The following SNTG2 variants were observed in gnomAD, a reference collection of about 807,000 sequenced individuals.
The protein encoded by SNTG2 is syntrophin gamma 2.
In SNTG2, 74 loss-of-function variants were observed where a neutral mutation model predicts 70.9. The observed-to-expected ratio is 1.04, with a 90% CI of 0.86 to 1.27. The LOEUF (loss-of-function observed/expected upper bound fraction) is 1.27. SNTG2 is among the 50% of genes most tolerant of loss of function. The pLI is 0.00. For missense variants in SNTG2, 717 were observed against 690.7 expected, an observed-to-expected ratio of 1.04 and a Z score of -0.43; for synonymous variants, 278 against 273.8, an observed-to-expected ratio of 1.02 and a Z score of -0.15.
At chr2:1,361,814 AGTAGAACTT>A (rs1161380896) in intron 16 of SNTG2, among the ~76,000 whole-genome samples, 12 of 151,132 alleles carry the variant, frequency 7.9e-5, no homozygotes, top group Non-Finnish European at 1.0e-4. Flanking sequence ...TGAGCATTTC[AGTAGAACTT>A]CCATGAAAGT....
intron 6 of SNTG2, among the ~76,000 whole-genome samples, chr2:1,164,711 T>C (rs1312176402): frequency 6.8e-6 from 1 of 147,712 alleles, no homozygotes. Flanking sequence ...TTGGACAGTC[T>C]CCATGTAGAG....
In SNTG2 at chr2:1,098,231, C is replaced by T. The variant is rs376574619; in HGVS notation, c.246C>T (p.Gly82=). 33 of 1,613,868 alleles carry T rather than the reference C, an allele frequency of 2.0e-5. No homozygotes were observed. Among genetic ancestry groups the T allele is most frequent in the East Asian group, 2.0e-4 (9 of 44,886 alleles). The change falls in exon 3 of 17, where the codon GGC becomes GGT. Residue 82 remains glycine, a synonymous_variant. Transcript: ENST00000308624. The part of the protein sequence containing the change: ...RTVTLRRQPV[G]GLGLSIKGGS... Reference sequence around the variant, plus strand: ...TTACACTCCGCAGACAGCCAGTTGGCGGCTTGGGCCTGAGTATAAAGGTAT... The same window carrying T: ...TTACACTCCGCAGACAGCCAGTTGGTGGCTTGGGCCTGAGTATAAAGGTAT...
chr2:1,297,531 A>C (rs527275872), intron 14 of SNTG2, among the ~76,000 whole-genome samples: 1 of 147,130 alleles, frequency 6.8e-6, no homozygotes, highest in African/African-American at 2.6e-5. Context: ...CCAGCCCTGC[A>C]CCTCTGCAGC....
chr2:1,276,392 C>G (rs1312044769), intron 14 of SNTG2, among the ~76,000 whole-genome samples: 1 of 152,168 alleles, frequency 6.6e-6, no homozygotes, highest in Non-Finnish European at 1.5e-5. Context: ...CTTCATTTAC[C>G]ATTCTGAAAA....
intron 1 of SNTG2, chr2:1,068,420 G>A (rs941195887): frequency 2.0e-5 from 3 of 152,150 alleles, no homozygotes; most frequent in African/African-American, 7.2e-5. Flanking sequence ...GGTAACAGTG[G>A]AATGGCAGAG....
intron 9 of SNTG2, among the ~76,000 whole-genome samples, chr2:1,223,761 C>G (rs1203993144): frequency 6.6e-6 from 1 of 152,086 alleles, no homozygotes; most frequent in Non-Finnish European, 1.5e-5. Context: ...TGTACATGAC[C>G]TCAGCACACT....
At position 1,083,589 on chromosome 2, in the gene SNTG2, G is replaced by A. The variant is rs375588833; in HGVS notation, c.144G>A (p.Thr48=). The part of the protein sequence containing the change: ...ENAYDIRLKL[T]KEVLTIQKQD... Reference sequence around the variant, plus strand: ...CCTATGACATCCGGCTGAAGCTGACGAAAGAGGTGCTGACAATTCAGAAAC... The same window carrying A: ...CCTATGACATCCGGCTGAAGCTGACAAAAGAGGTGCTGACAATTCAGAAAC... Residue 48 remains threonine, a synonymous_variant, in exon 2 of 17, where the codon ACG becomes ACA. Transcript: ENST00000308624. 5 of 1,613,660 alleles carry A rather than the reference G, an allele frequency of 3.1e-6. No individual in the cohort carries two copies. Among genetic ancestry groups the A allele is most frequent in the African/African-American group, 2.7e-5 (2 of 74,922 alleles).
At position 1,351,327 on chromosome 2, in the gene SNTG2, A is replaced by G. The variant is rs192967513; in HGVS notation, c.1489-16016A>G. On this transcript the variant is annotated intron_variant, in intron 16 of 16. Coordinates refer to ENST00000308624, the MANE Select transcript of SNTG2 (RefSeq NM_018968.4). ...GTTTGCACAAGTCAGATGTTTTTTA[A>G]CCTTCTGGCAAGATAATAATGCTGA... 2.0e-3 allele frequency among the ~76,000 whole-genome samples: 300 copies of G among 152,206 alleles called. 1 individual carries two copies. The highest frequency in any genetic ancestry group is 6.9e-3 in the African/African-American group (288 of 41,528).
intron 14 of SNTG2, among the ~76,000 whole-genome samples, chr2:1,271,722 G>A (rs1247616926): frequency 6.6e-6 from 1 of 152,146 alleles, no homozygotes. Flanking sequence ...AGGGGAGGCA[G>A]AAAATGGCCT....
intron 7 of SNTG2, among the ~76,000 whole-genome samples, chr2:1,171,013 A>T (rs1671091730): frequency 1.3e-5 from 2 of 152,096 alleles, no homozygotes; most frequent in South Asian, 4.2e-4. Context: ...GTTAGGGTTA[A>T]TTTTTTTTAA....
chr2:969,775 G>C (rs1457185862), intron 1 of SNTG2, among the ~76,000 whole-genome samples: 3 of 152,148 alleles, frequency 2.0e-5, no homozygotes, highest in African/African-American at 7.2e-5. Context: ...GAGACTGTAA[G>C]GTTTTCTAGG....
At chr2:1,202,354 G>A (rs1426528483) in intron 8 of SNTG2, among the ~76,000 whole-genome samples, 3 of 151,982 alleles carry the variant, frequency 2.0e-5, no homozygotes, top group African/African-American at 7.2e-5. Context: ...GAAGATTGAT[G>A]TGTCAATATG....
chr2:1,171,927 G>A (rs1231733006), intron 7 of SNTG2, among the ~76,000 whole-genome samples: 8 of 152,186 alleles, frequency 5.3e-5, no homozygotes, highest in Non-Finnish European at 2.9e-5. Flanking sequence ...TCTGCACCAA[G>A]CGAGGCTGGT....
At chr2:1,328,773 A>G (rs1164460037) in intron 16 of SNTG2, among the ~76,000 whole-genome samples, 7 of 152,206 alleles carry the variant, frequency 4.6e-5, no homozygotes, top group Admixed American at 1.3e-4. Context: ...TAGAAAGAAC[A>G]GAAGCCTCAA....
At chr2:1,276,204 G>A (rs1208615832) in intron 14 of SNTG2, among the ~76,000 whole-genome samples, 2 of 152,234 alleles carry the variant, frequency 1.3e-5, no homozygotes, top group Non-Finnish European at 2.9e-5. Flanking sequence ...ACTGATAAAG[G>A]AGGCTACACT....
chr2:1,295,083 G>T (rs187281731), intron 14 of SNTG2, among the ~76,000 whole-genome samples: 71 of 152,312 alleles, frequency 4.7e-4, no homozygotes, highest in Admixed American at 2.9e-3. Flanking sequence ...TGATGATGCT[G>T]GGGAATGACT....
intron 14 of SNTG2, among the ~76,000 whole-genome samples, chr2:1,294,439 T>G (rs2148226073): frequency 6.6e-6 from 1 of 152,354 alleles, no homozygotes; most frequent in South Asian, 2.1e-4. Flanking sequence ...TAAGAGAAAC[T>G]TAGATTCTTT....
chr2:1,076,820 T>A (rs1663947210), intron 1 of SNTG2, among the ~76,000 whole-genome samples: 1 of 152,204 alleles, frequency 6.6e-6, no homozygotes, highest in East Asian at 1.9e-4. Flanking sequence ...CTTCATAGAT[T>A]TAAATAATCA....
rs189524513 is a variant in SNTG2, at chr2:1,341,914, T to C, written c.1489-25429T>C. Among the ~76,000 whole-genome samples the C allele has an allele frequency of 4.7e-5, 7 of 149,948 alleles. No individual in the cohort carries two copies. The East Asian group carries it at 6.1e-4, about 13-fold the overall frequency. ...AGGCTAGAGTGCAGTGGCACAGTCA[T>C]AGCTCACTGCAGGCTCAGACTCCTG... On this transcript the variant is annotated intron_variant, in intron 16 of 16. Transcript: ENST00000308624.
Sources: allele counts gnomAD v4.1 joint callset (sites outside exome capture counted in the v4.1 genomes callset), GRCh38; gene constraint gnomAD v4.1.1; transcripts MANE v1.5; gene names NCBI Gene and HGNC (gene_info 2026-07-23, HGNC 2026-07-21).